Variants in CSF2RA observed in about 807,000 individuals in gnomAD.
CSF2RA encodes granulocyte-macrophage colony-stimulating factor receptor subunit alpha.
Under a neutral mutation model 51.6 loss-of-function variants are expected in CSF2RA, and 42 were observed. That is an observed-to-expected ratio of 0.81 (90% confidence interval 0.64 to 1.05). CSF2RA has a LOEUF of 1.05. Ranked by LOEUF, CSF2RA falls within the 50% of genes least tolerant of loss-of-function variation. The pLI, the probability that CSF2RA is intolerant of heterozygous loss-of-function variation, is 0.00. For missense variants in CSF2RA, 530 were observed against 501.1 expected, an observed-to-expected ratio of 1.06 and a Z score of -0.55; for synonymous variants, 222 against 193.0, an observed-to-expected ratio of 1.15 and a Z score of -1.24.
At chrX:1,321,098 C>A in the CSF2RA span, among the ~76,000 whole-genome samples, 1 of 151,994 alleles carries the variant, frequency 6.6e-6, no homozygotes, top group African/African-American at 2.4e-5. Flanking sequence ...CCCTCCTCGG[C>A]CTCCCAAAGT....
chrX:1,300,359 G>A lies in CSF2RA; in HGVS notation c.811-132G>A, dbSNP rs1297812700. On this transcript the variant is annotated intron_variant, in intron 9 of 12. Coordinates refer to ENST00000381529, the MANE Select transcript of CSF2RA (RefSeq NM_172245.4). ...CCCGATCAGACCAAGTGCATTCAGA[G>A]TGGTAGAAAAAAAAGAAGAAAAAGA... 2.4e-5 allele frequency: 27 copies of A among 1,136,820 alleles called. 1 individual carries two copies. The East Asian group carries it at 4.0e-4, about 17-fold the overall frequency. 70.4% of individuals were successfully genotyped at this position (1,136,820 alleles called of 1,614,324 possible). A position where few individuals can be genotyped will look rare whatever the true frequency, so the allele number is the denominator to read the frequency against.
At chrX:1,311,661 G>A (rs144305197), downstream of CSF2RA, among the ~76,000 whole-genome samples, 2,813 of 152,146 alleles carry the variant, frequency 0.018, 90 homozygotes, top group African/African-American at 0.063. Context: ...GGTCAGGCTG[G>A]TCTCCATCTG....
chrX:1,273,747 ATTT>A (rs749510441), intron 1 of CSF2RA, among the ~76,000 whole-genome samples: 9,599 of 122,120 alleles, frequency 0.079, 429 homozygotes, highest in African/African-American at 0.16. Flanking sequence ...CGCCCAGCTA[ATTT>A]TTTTTTTTTT....
chrX:1,278,467 A>G lies in CSF2RA; in HGVS notation c.-27+3649A>G, dbSNP rs1462641764. ...TTTGGGAGCCCGAGGCAGGTGGATC[A>G]CCTGAGGTCAGGATTTCGAGACCAG... On this transcript the variant is annotated intron_variant, in intron 2 of 12. Coordinates refer to ENST00000381529, the MANE Select transcript of CSF2RA (RefSeq NM_172245.4). Among the ~76,000 whole-genome samples the G allele has an allele frequency of 1.7e-4, 25 of 147,860 alleles. 1 individual carries two copies. The highest frequency in any genetic ancestry group is 6.0e-4 in the African/African-American group (24 of 39,942).
rs2089509952 is a variant in CSF2RA, at chrX:1,278,682, T to C, written c.-27+3864T>C. On this transcript the variant is annotated intron_variant, in intron 2 of 12. Transcript: ENST00000381529. ...GCCTGGGTGACAGAATGAGACTCAG[T>C]CTAAAAAAAAAAAAAATTCAGGGCA... is the stretch of plus-strand genomic sequence containing the variant. Among the ~76,000 whole-genome samples, 3 of 135,766 alleles carry C rather than the reference T, an allele frequency of 2.2e-5. No individual in the cohort carries two copies. In the Admixed American group the frequency reaches 2.3e-4, roughly 10 times the overall value. The allele number at this position is 135,766 out of a possible 152,430, so 89.1% of individuals were successfully genotyped here. A position where few individuals can be genotyped will look rare whatever the true frequency, so the allele number is the denominator to read the frequency against.
Position 1,272,234 on chromosome X carries a change from G to A in CSF2RA, c.-90-2521G>A, listed in dbSNP as rs763822839. 5.0e-4 allele frequency among the ~76,000 whole-genome samples: 76 copies of A among 151,608 alleles called. 1 individual carries two copies. Among genetic ancestry groups the A allele is most frequent in the Non-Finnish European group, 2.9e-5 (2 of 67,874 alleles). On this transcript the variant is annotated intron_variant, in intron 1 of 12. Transcript: ENST00000381529. ...CTCCCAGTGTGCTAGGATTACAGGC[G>A]TGAACCACTGTACCCAGCCAGATTT...
intron 1 of CSF2RA, 135 bp from the exon 2 acceptor site, chrX:1,274,620 C>G (rs765451311): frequency 5.6e-5 from 24 of 428,410 alleles, no homozygotes; most frequent in African/African-American, 4.3e-4. Flanking sequence ...CCATGGCGCC[C>G]AGCCCTGGTA....
chrX:1,290,647 C>A, intron 7 of CSF2RA, 138 bp downstream of exon 7: 1 of 871,430 alleles, frequency 1.1e-6, no homozygotes. Flanking sequence ...GGCCGATCAC[C>A]TGAGATCGGG....
chrX:1,309,640 A>G lies in CSF2RA; in HGVS notation c.*161A>G. Reference sequence around the variant, plus strand: ...GGTGGCTCACGCCTGTAATCCCAGCACTTTGGGAGGCCAAGGCAGGCGGAT... The same window carrying G: ...GGTGGCTCACGCCTGTAATCCCAGCGCTTTGGGAGGCCAAGGCAGGCGGAT... On this transcript the variant is annotated 3_prime_UTR_variant, in exon 13 of 13. Coordinates refer to ENST00000381529, the MANE Select transcript of CSF2RA (RefSeq NM_172245.4). 6.4e-7 allele frequency: 1 copy of G among 1,553,388 alleles called. No individual in the cohort carries two copies. Among genetic ancestry groups the G allele is most frequent in the Non-Finnish European group, 8.9e-7 (1 of 1,125,384 alleles).
chrX:1,316,027 CATAG>C, the CSF2RA span, among the ~76,000 whole-genome samples: 27,982 of 106,044 alleles, frequency 0.26, 3,445 homozygotes, highest in East Asian at 0.7. Flanking sequence ...TAGATAGATA[CATAG>C]ATAGACCAAT....
rs1202643478 is a variant in CSF2RA at position 1,282,031 on chromosome X, TA to T, written c.-26-623del. On this transcript the variant is annotated intron_variant, in intron 2 of 12. Coordinates refer to ENST00000381529, the MANE Select transcript of CSF2RA (RefSeq NM_172245.4). ...TAACACGGTGAAAGCCTGTTTCTAC[TA>T]AAAAAAAAAAAAAAAAAAAAAAATT... 377 of 61,128 alleles carry T rather than the reference TA, an allele frequency of 6.2e-3. 7 individuals carry two copies. Among genetic ancestry groups the T allele is most frequent in the Non-Finnish European group, 8.0e-3 (280 of 35,124 alleles). The allele number at this position is 61,128 out of a possible 1,614,324, so 3.8% of individuals were successfully genotyped here.
the CSF2RA span, among the ~76,000 whole-genome samples, chrX:1,316,073 T>C: frequency 2.6e-5 from 4 of 151,772 alleles, no homozygotes; most frequent in Non-Finnish European, 5.9e-5. Flanking sequence ...GATAGATAGA[T>C]AGATAGAATA....
Position 1,309,578 on chromosome X carries a change from G to GT in CSF2RA, c.*104dup. The GT allele has an allele frequency of 6.2e-7, 1 of 1,613,920 alleles. No homozygotes were observed. The highest frequency in any genetic ancestry group is 8.5e-7 in the Non-Finnish European group (1 of 1,179,836). On this transcript the variant is annotated 3_prime_UTR_variant, in exon 13 of 13. Transcript: ENST00000381529. ...TGTGAACCTTTATATCATTTTCTATGTTTTTATTTAAAAACATGACATTTG... is the reference window on the plus strand; with the variant it reads ...TGTGAACCTTTATATCATTTTCTATGTTTTTTATTTAAAAACATGACATTTG...
chrX:1,288,509 A>T lies in CSF2RA; in HGVS notation c.220-10A>T, dbSNP rs1423732666. ...TTCCTAATCGGCTCTGTCTGGTTGC[A>T]ATTCTTCAGCTCAGTAACAACGAAT... On this transcript the variant is annotated splice_polypyrimidine_tract_variant and intron_variant, in intron 4 of 12. Transcript: ENST00000381529. 1.9e-6 allele frequency: 3 copies of T among 1,613,928 alleles called. No homozygotes were observed. The East Asian group carries it at 6.7e-5, about 36-fold the overall frequency.
chrX:1,289,025 C>A, intron 6 of CSF2RA, 137 bp downstream of exon 6: 1 of 1,142,532 alleles, frequency 8.8e-7, no homozygotes, highest in Non-Finnish European at 1.3e-6. Context: ...GCAATGGTGC[C>A]ACCTCGGCTC....
chrX:1,321,324 C>T, the CSF2RA span, among the ~76,000 whole-genome samples: 1 of 151,964 alleles, frequency 6.6e-6, no homozygotes, highest in African/African-American at 2.4e-5. Flanking sequence ...AAAAAATTAG[C>T]CGGGCGACGT....
In CSF2RA at chrX:1,301,023, G is replaced by T. The variant is rs547585017; in HGVS notation, c.946+397G>T. 8.6e-5 allele frequency among the ~76,000 whole-genome samples: 13 copies of T among 151,642 alleles called. No individual in the cohort carries two copies. In the South Asian group the frequency reaches 2.7e-3, roughly 32 times the overall value. On this transcript the variant is annotated intron_variant, in intron 10 of 12. Transcript: ENST00000381529. Reference sequence around the variant, plus strand: ...ACAAAATTAGCCCAGCATTGTGGCAGGTGCCTGTAATCCCAGCTACTCGGG... The same window carrying T: ...ACAAAATTAGCCCAGCATTGTGGCATGTGCCTGTAATCCCAGCTACTCGGG...
intron 9 of CSF2RA, among the ~76,000 whole-genome samples, chrX:1,299,603 G>A (rs1441015367): frequency 2.0e-5 from 3 of 150,586 alleles, no homozygotes; most frequent in Non-Finnish European, 4.5e-5. Flanking sequence ...CCCACACCTG[G>A]CCAACAATTT....
At chrX:1,272,801 C>CT (rs372370857) in intron 1 of CSF2RA, among the ~76,000 whole-genome samples, 62,425 of 139,196 alleles carry the variant, frequency 0.45, 16,553 homozygotes, top group Non-Finnish European at 0.6. Context: ...TCTTCTTTTT[C>CT]TTTTTTTTTT....
Sources: allele counts gnomAD v4.1 joint callset (sites outside exome capture counted in the v4.1 genomes callset), GRCh38; gene constraint gnomAD v4.1.1; transcripts MANE v1.5; gene names NCBI Gene and HGNC (gene_info 2026-07-23, HGNC 2026-07-21).